The following SDK1 variants were observed in gnomAD, a reference collection of about 807,000 sequenced individuals.
SDK1 encodes protein sidekick-1.
Under a neutral mutation model 245.5 loss-of-function variants are expected in SDK1, and 157 were observed. That is an observed-to-expected ratio of 0.64 (90% CI 0.56 to 0.73). The LOEUF is 0.73. Among genes scored for constraint, SDK1 ranks in the 30% least tolerant of loss-of-function variants. The pLI, the probability that SDK1 is intolerant of heterozygous loss-of-function variation, is 0.00. For missense variants in SDK1, 3,583 were observed against 3,002.3 expected (o/e 1.19, Z -4.52); for synonymous variants, 1,647 against 1,278.5 (o/e 1.29, Z -6.15).
chr7:3,672,759 T>A (rs186564810), intron 4 of SDK1, among the ~76,000 whole-genome samples: 1,589 of 50,596 alleles, frequency 0.031, 177 homozygotes, highest in African/African-American at 0.077. Flanking sequence ...ATATATAATT[T>A]TATATATATA....
At chr7:3,507,094 A>T (rs1024817782) in intron 1 of SDK1, among the ~76,000 whole-genome samples, 2 of 152,134 alleles carry the variant, frequency 1.3e-5, no homozygotes, top group Admixed American at 1.3e-4. Context: ...GTTTAGCCCT[A>T]ATCCCGGTAC....
At chr7:3,989,047 G>A (rs7794624) in intron 14 of SDK1, among the ~76,000 whole-genome samples, 11,771 of 152,196 alleles carry the variant, frequency 0.077, 575 homozygotes, top group Admixed American at 0.16. Context: ...GAGCCACCGC[G>A]CCTGGCGTCC....
intron 1 of SDK1, among the ~76,000 whole-genome samples, chr7:3,519,221 C>T (rs1782849118): frequency 6.6e-6 from 1 of 152,026 alleles, no homozygotes; most frequent in African/African-American, 2.4e-5. Flanking sequence ...TCAAGTCTTC[C>T]ATAGCACTGT....
chr7:4,184,616 G>A (rs142848169), intron 35 of SDK1, among the ~76,000 whole-genome samples: 30 of 152,292 alleles, frequency 2.0e-4, no homozygotes, highest in African/African-American at 5.5e-4. Context: ...GTTCAAATAC[G>A]TGATACTTAA....
At chr7:3,757,244 G>C (rs944242070) in intron 4 of SDK1, among the ~76,000 whole-genome samples, 3 of 152,066 alleles carry the variant, frequency 2.0e-5, no homozygotes, top group Admixed American at 6.6e-5. Context: ...TAACTCACTA[G>C]AACAGCTCAC....
intron 1 of SDK1, among the ~76,000 whole-genome samples, chr7:3,329,500 A>G (rs1780015665): frequency 1.3e-5 from 2 of 152,216 alleles, no homozygotes; most frequent in Admixed American, 1.3e-4. Flanking sequence ...CCCTAAAAGA[A>G]GCCTCACCCT....
chr7:3,386,018 T>C (rs1016671817), intron 1 of SDK1, among the ~76,000 whole-genome samples: 11 of 152,274 alleles, frequency 7.2e-5, no homozygotes, highest in South Asian at 2.1e-4. Context: ...AATAATGTTA[T>C]AGATTTTCAC....
At chr7:3,575,385 C>T (rs554296910) in intron 1 of SDK1, among the ~76,000 whole-genome samples, 49 of 152,110 alleles carry the variant, frequency 3.2e-4, no homozygotes, top group African/African-American at 1.1e-3. Context: ...TCCCAAAGGT[C>T]CTATCTCCAA....
intron 4 of SDK1, among the ~76,000 whole-genome samples, chr7:3,758,279 T>C (rs188694798): frequency 2.5e-3 from 388 of 152,362 alleles, no homozygotes; most frequent in Non-Finnish European, 4.3e-3. Flanking sequence ...AGCATTTCTA[T>C]CGTAATGTTC....
intron 4 of SDK1, among the ~76,000 whole-genome samples, chr7:3,771,496 G>C (rs1373009058): frequency 6.6e-6 from 1 of 152,144 alleles, no homozygotes; most frequent in Non-Finnish European, 1.5e-5. Flanking sequence ...ATGTATGACT[G>C]AGTTCATCTC....
chr7:3,441,291 C>G (rs1780189162), intron 1 of SDK1, among the ~76,000 whole-genome samples: 1 of 152,056 alleles, frequency 6.6e-6, no homozygotes, highest in Admixed American at 6.6e-5. Flanking sequence ...TCAGTACTAT[C>G]TGGTTTCAGG....
intron 1 of SDK1, among the ~76,000 whole-genome samples, chr7:3,602,457 G>C (rs1781283191): frequency 1.3e-5 from 2 of 151,852 alleles, no homozygotes; most frequent in Non-Finnish European, 2.9e-5. Flanking sequence ...CATGTCTTTT[G>C]GCTGCATAAA....
At chr7:3,470,344 A>G (rs915932754) in intron 1 of SDK1, among the ~76,000 whole-genome samples, 2 of 152,124 alleles carry the variant, frequency 1.3e-5, no homozygotes, top group African/African-American at 4.8e-5. Flanking sequence ...AGAGATAGTC[A>G]AGGTACTACC....
At chr7:3,936,584 C>CAAA (rs35348363) in intron 5 of SDK1, among the ~76,000 whole-genome samples, 3 of 139,612 alleles carry the variant, frequency 2.1e-5, no homozygotes, top group African/African-American at 2.6e-5. Flanking sequence ...GACTCCATCT[C>CAAA]AAAAAAAAAA....
rs561405667 is a variant in SDK1 at position 3,522,866 on chromosome 7, C to G, written c.299-96214C>G. On this transcript the variant is annotated intron_variant, in intron 1 of 44. Transcript: ENST00000404826. ...TCGCTATTCACATCAGTGAGTATGGCCAGCCTTTGTCTGCGGAGATCTGAT... is the reference window on the plus strand; with the variant it reads ...TCGCTATTCACATCAGTGAGTATGGGCAGCCTTTGTCTGCGGAGATCTGAT... 7.7e-5 allele frequency among the ~76,000 whole-genome samples: 8 copies of G among 103,822 alleles called. No homozygotes were observed. In the East Asian group the frequency reaches 1.7e-3, roughly 22 times the overall value. 68.1% of individuals were successfully genotyped at this position (103,822 alleles called of 152,430 possible).
intron 5 of SDK1, among the ~76,000 whole-genome samples, chr7:3,901,135 A>G (rs1048065427): frequency 1.3e-5 from 2 of 152,048 alleles, no homozygotes; most frequent in African/African-American, 4.8e-5. Context: ...TCAGTCTTGA[A>G]TTTGGCTGAC....
intron 4 of SDK1, among the ~76,000 whole-genome samples, chr7:3,816,466 A>G (rs1282546729): frequency 1.3e-5 from 2 of 150,126 alleles, no homozygotes; most frequent in Non-Finnish European, 2.9e-5. Context: ...TACTACAAAC[A>G]CCTCTACGCA....
rs151151503 is a variant in SDK1 at position 3,790,053 on chromosome 7, T to G, written c.714-31397T>G. ...ACCAAATAGTTATTCAGCGGAGAAG[T>G]TGAGAAAGACCCCGTAGTCCAAATG... On this transcript the variant is annotated intron_variant, in intron 4 of 44. Transcript: ENST00000404826. 5.9e-5 allele frequency among the ~76,000 whole-genome samples: 9 copies of G among 152,138 alleles called. No homozygotes were observed. In the East Asian group the frequency reaches 1.5e-3, roughly 26 times the overall value.
chr7:3,523,219 C>T lies in SDK1; in HGVS notation c.299-95861C>T, dbSNP rs180726135. ...TGAATGATGTAATGTTAAAGAGCCA[C>T]TGCAGAAGCATTTGCAAATCATAAA... On this transcript the variant is annotated intron_variant, in intron 1 of 44. Transcript: ENST00000404826. Among the ~76,000 whole-genome samples the T allele has an allele frequency of 1.0e-3, 156 of 152,332 alleles. 1 individual carries two copies. The highest frequency in any genetic ancestry group is 1.1e-3 in the Non-Finnish European group (76 of 68,022).
Sources: gnomAD v4.1 joint callset for allele counts (sites outside exome capture counted in the v4.1 genomes callset) on GRCh38, gnomAD v4.1.1 for gene constraint, MANE v1.5 for transcripts, NCBI Gene and HGNC (gene_info 2026-07-23, HGNC 2026-07-21) for gene names.